The following PTPRD variants were observed in gnomAD, a reference collection of about 807,000 sequenced individuals.
PTPRD encodes the protein receptor-type tyrosine-protein phosphatase delta.
Under a neutral mutation model 214.5 loss-of-function variants are expected in PTPRD, and 34 were observed. That is an observed-to-expected ratio of 0.16 (90% CI 0.12 to 0.21). The LOEUF (loss-of-function observed/expected upper bound fraction) is 0.21, where lower values mean the gene tolerates loss of function less well. PTPRD is among the 10% of genes least tolerant of loss of function. PTPRD has a pLI of 1.00. For missense variants in PTPRD, 2,545 were observed against 2,398.7 expected, an observed-to-expected ratio of 1.06 and a Z score of -1.27; for synonymous variants, 1,128 against 845.7, an observed-to-expected ratio of 1.33 and a Z score of -5.79.
chr9:9,571,926 G>A lies in PTPRD; in HGVS notation c.-237+2806C>T, dbSNP rs1004388209. Among the ~76,000 whole-genome samples the A allele has an allele frequency of 2.1e-4, 31 of 150,948 alleles. 1 individual carries two copies. The highest frequency in any genetic ancestry group is 5.9e-5 in the Non-Finnish European group (4 of 67,314). ...ATAAACATAGAACAATGTAACACCT[G>A]GAGTCCATTAACTGTAAAAGTTTAA... On this transcript the variant is annotated intron_variant, in intron 8 of 45. Transcript: ENST00000381196.
chr9:10,204,665 T>C (rs1188467589), intron 3 of PTPRD, among the ~76,000 whole-genome samples: 2 of 152,158 alleles, frequency 1.3e-5, no homozygotes, highest in African/African-American at 4.8e-5. Flanking sequence ...ATATAAAAAA[T>C]ATGACTGGTC....
chr9:9,418,792 A>G (rs1431524050), intron 8 of PTPRD, among the ~76,000 whole-genome samples: 1 of 151,960 alleles, frequency 6.6e-6, no homozygotes. Flanking sequence ...AAATTTGATC[A>G]GTAGCAATAT....
intron 5 of PTPRD, among the ~76,000 whole-genome samples, chr9:9,918,907 C>T (rs2081743483): frequency 6.6e-6 from 1 of 151,992 alleles, no homozygotes; most frequent in African/African-American, 2.4e-5. Flanking sequence ...CAAAATTAAT[C>T]AATACCTAAA....
chr9:9,582,686 A>C (rs562072715), intron 7 of PTPRD, among the ~76,000 whole-genome samples: 1 of 152,210 alleles, frequency 6.6e-6, no homozygotes, highest in African/African-American at 2.4e-5. Context: ...CTATTAGTTT[A>C]TCTCTTAAAT....
chr9:9,166,236 G>C (rs1291148890), intron 10 of PTPRD, among the ~76,000 whole-genome samples: 1 of 151,462 alleles, frequency 6.6e-6, no homozygotes, highest in Non-Finnish European at 1.5e-5. Context: ...GAGGAGAGTT[G>C]AGAGAAACAA....
chr9:8,829,760 G>C (rs185115270), intron 11 of PTPRD, among the ~76,000 whole-genome samples: 121 of 152,208 alleles, frequency 7.9e-4, no homozygotes, highest in African/African-American at 2.8e-3. Context: ...TCAGCTGACT[G>C]GGGACAAACA....
intron 9 of PTPRD, among the ~76,000 whole-genome samples, chr9:9,271,504 T>G (rs1052757672): frequency 6.6e-6 from 1 of 151,396 alleles, no homozygotes; most frequent in African/African-American, 2.4e-5. Context: ...AAAAAATCCA[T>G]TTAAAACATG....
chr9:9,507,161 T>C (rs2096589407), intron 8 of PTPRD, among the ~76,000 whole-genome samples: 2 of 151,524 alleles, frequency 1.3e-5, no homozygotes, highest in South Asian at 2.1e-4. Flanking sequence ...AGAATGATTC[T>C]AATATAAAAT....
intron 7 of PTPRD, among the ~76,000 whole-genome samples, chr9:9,730,559 A>C (rs1008299002): frequency 1.3e-5 from 2 of 152,148 alleles, no homozygotes; most frequent in African/African-American, 4.8e-5. Flanking sequence ...AAAAGATAAA[A>C]TCTTGTTTTA....
At chr9:8,476,336 G>A (rs1325572678) in intron 30 of PTPRD, among the ~76,000 whole-genome samples, 1 of 152,172 alleles carries the variant, frequency 6.6e-6, no homozygotes, top group African/African-American at 2.4e-5. Context: ...CTGACAGGAG[G>A]CGGAGCTCGC....
At chr9:10,591,929 C>T (rs1484272736) in intron 2 of PTPRD, among the ~76,000 whole-genome samples, 1 of 152,110 alleles carries the variant, frequency 6.6e-6, no homozygotes, top group Non-Finnish European at 1.5e-5. Flanking sequence ...GACCCTAACT[C>T]CCACCCCTGA....
At chr9:9,349,747 C>T (rs1004302504) in intron 9 of PTPRD, among the ~76,000 whole-genome samples, 2 of 150,232 alleles carry the variant, frequency 1.3e-5, no homozygotes, top group African/African-American at 5.0e-5. Context: ...TTAAGTGGCA[C>T]CCATCACATG....
At chr9:10,150,643 G>C (rs1274399477) in intron 3 of PTPRD, among the ~76,000 whole-genome samples, 2 of 143,240 alleles carry the variant, frequency 1.4e-5, no homozygotes, top group Non-Finnish European at 3.0e-5. Context: ...ATGTACCCTA[G>C]AACTTAAAGT....
At chr9:9,068,590 T>G (rs2099738845) in intron 10 of PTPRD, among the ~76,000 whole-genome samples, 2 of 152,104 alleles carry the variant, frequency 1.3e-5, no homozygotes, top group Admixed American at 6.6e-5. Flanking sequence ...CTCATCTTTA[T>G]CTTGCAACTG....
intron 11 of PTPRD, among the ~76,000 whole-genome samples, chr9:8,933,346 T>TTTTTTTTTTTTTTTTTC (rs2098967364): frequency 7.0e-6 from 1 of 143,540 alleles, no homozygotes; most frequent in Non-Finnish European, 1.5e-5. Flanking sequence ...TGAGGTTTTT[T>TTTTTTTTTTTTTTTTTC]TTTTTTTTTT....
At chr9:8,784,855 T>C (rs10977299) in intron 11 of PTPRD, among the ~76,000 whole-genome samples, 78,978 of 152,028 alleles carry the variant, frequency 0.52, 21,303 homozygotes, top group Middle Eastern at 0.62. Context: ...CTTACAGTTA[T>C]CATTTACATC....
In PTPRD at chr9:9,982,478, GTGTGTGTGTGT is replaced by G. The variant is rs1272373972; in HGVS notation, c.-471-43879_-471-43869del. Reference sequence around the variant, plus strand: ...ATATTGTTGTTGTGGTGGTGGTGGTGTGTGTGTGTGTGTGTGTGTGTGTGTGTGTGTGTGTG... The same window carrying G: ...ATATTGTTGTTGTGGTGGTGGTGGTGGTGTGTGTGTGTGTGTGTGTGTGTG... On this transcript the variant is annotated intron_variant, in intron 4 of 45. Transcript: ENST00000381196. Among the ~76,000 whole-genome samples, 306 of 148,780 alleles carry G rather than the reference GTGTGTGTGTGT, an allele frequency of 2.1e-3. 1 individual carries two copies. Among genetic ancestry groups the G allele is most frequent in the African/African-American group, 3.0e-3 (120 of 40,242 alleles).
intron 3 of PTPRD, among the ~76,000 whole-genome samples, chr9:10,327,171 G>GTGTGTA (rs71485326): frequency 2.8e-5 from 4 of 142,878 alleles, no homozygotes; most frequent in African/African-American, 1.0e-4. Context: ...ATATGTGTGT[G>GTGTGTA]TATATATATA....
chr9:8,641,832 C>G (rs994401677), intron 12 of PTPRD, among the ~76,000 whole-genome samples: 1 of 152,176 alleles, frequency 6.6e-6, no homozygotes, highest in Non-Finnish European at 1.5e-5. Flanking sequence ...TATCTTTGAA[C>G]CTAATGGGTC....
Sources: allele counts gnomAD v4.1 joint callset (sites outside exome capture counted in the v4.1 genomes callset), GRCh38; gene constraint gnomAD v4.1.1; transcripts MANE v1.5; gene names NCBI Gene and HGNC (gene_info 2026-07-23, HGNC 2026-07-21).